The following PTH2R variants were observed in gnomAD, a reference collection of about 807,000 sequenced individuals.
PTH2R encodes the protein parathyroid hormone 2 receptor.
PTH2R carries 59 observed loss-of-function variants against 60.3 expected under a neutral mutation model. The ratio of observed to expected loss-of-function variants is 0.98; its 90% confidence interval spans 0.79 to 1.22. PTH2R has a LOEUF of 1.22. PTH2R is among the 50% of genes most tolerant of loss of function. The pLI is 0.00. For synonymous variants in PTH2R, 256 were observed against 243.8 expected, an observed-to-expected ratio of 1.05 and a Z score of -0.47; for missense variants, 749 against 682.6, an observed-to-expected ratio of 1.10 and a Z score of -1.08.
chr2:208,425,143 A>C (rs1701832153), intron 1 of PTH2R, among the ~76,000 whole-genome samples: 1 of 152,226 alleles, frequency 6.6e-6, no homozygotes, highest in Admixed American at 6.5e-5. Context: ...ATAAGATTGA[A>C]TACTTCTTAA....
intron 1 of PTH2R, among the ~76,000 whole-genome samples, chr2:208,367,506 C>G (rs779037204): frequency 6.7e-6 from 1 of 150,238 alleles, no homozygotes; most frequent in Non-Finnish European, 1.5e-5. Context: ...CTGCAACCTC[C>G]GCCTCCCAGA....
intron 1 of PTH2R, among the ~76,000 whole-genome samples, chr2:208,369,870 C>G (rs1700661130): frequency 6.6e-6 from 1 of 152,016 alleles, no homozygotes; most frequent in African/African-American, 2.4e-5. Context: ...TATTGCAACC[C>G]TAAGTTCTCA....
intron 1 of PTH2R, among the ~76,000 whole-genome samples, chr2:208,387,173 A>T (rs1249757792): frequency 6.6e-6 from 1 of 152,170 alleles, no homozygotes; most frequent in Non-Finnish European, 1.5e-5. Flanking sequence ...AGTGCTTTAT[A>T]CATTTTTAAA....
chr2:208,412,459 C>T (rs907840319), intron 1 of PTH2R, among the ~76,000 whole-genome samples: 1 of 152,196 alleles, frequency 6.6e-6, no homozygotes, highest in African/African-American at 2.4e-5. Context: ...AAACAGTCTT[C>T]TTGATGACTT....
intron 1 of PTH2R, among the ~76,000 whole-genome samples, chr2:208,391,899 C>T (rs184566452): frequency 1.6e-4 from 25 of 152,276 alleles, no homozygotes; most frequent in Non-Finnish European, 3.2e-4. Flanking sequence ...GAAGCTTCCT[C>T]AGTTGGGGCA....
chr2:208,438,649 A>T (rs1702125234), intron 4 of PTH2R, among the ~76,000 whole-genome samples: 2 of 152,200 alleles, frequency 1.3e-5, no homozygotes. Flanking sequence ...ATGCATGATG[A>T]TATATGCATA....
In PTH2R at chr2:208,493,427, T is replaced by C. The variant is rs755982377; in HGVS notation, c.1421T>C (p.Ile474Thr). The change falls in exon 13 of 13, where the codon ATC becomes ACC. Residue 474 changes from isoleucine to threonine, a missense_variant. By Grantham distance (89) the Ile-to-Thr change is moderately conservative. Transcript: ENST00000272847. ...QVAASTRMVL[I>T]SGKAAKIASR... Reference sequence around the variant, plus strand: ...GCGGCCAGCACACGCATGGTGCTTATCTCTGGCAAAGCTGCCAAGATCGCC... The same window carrying C: ...GCGGCCAGCACACGCATGGTGCTTACCTCTGGCAAAGCTGCCAAGATCGCC... 1 of 1,610,728 alleles carries C rather than the reference T, an allele frequency of 6.2e-7. No individual in the cohort carries two copies. The highest frequency in any genetic ancestry group is 8.5e-7 in the Non-Finnish European group (1 of 1,177,872).
intron 2 of PTH2R, among the ~76,000 whole-genome samples, chr2:208,432,831 G>A (rs887982149): frequency 6.6e-6 from 1 of 152,130 alleles, no homozygotes; most frequent in African/African-American, 2.4e-5. Flanking sequence ...TGAAAACTCA[G>A]CAAGCCAGCT....
chr2:208,394,196 C>A (rs960346745), intron 1 of PTH2R, among the ~76,000 whole-genome samples: 12 of 152,280 alleles, frequency 7.9e-5, no homozygotes, highest in African/African-American at 2.9e-4. Context: ...ACTAGCAGGC[C>A]AGGTTTGCCT....
At chr2:208,406,484 GT>G (rs1433708048), upstream of PTH2R, among the ~76,000 whole-genome samples, 1 of 152,166 alleles carries the variant, frequency 6.6e-6, no homozygotes, top group Non-Finnish European at 1.5e-5. Flanking sequence ...TCTTATCGCT[GT>G]CCTCGGGGCC....
intron 2 of PTH2R, among the ~76,000 whole-genome samples, chr2:208,428,530 A>G (rs1398810141): frequency 1.3e-5 from 2 of 152,210 alleles, no homozygotes; most frequent in Non-Finnish European, 2.9e-5. Context: ...GAGAATAGCA[A>G]CTGGGCATGT....
At chr2:208,420,970 T>C (rs1701743167) in intron 1 of PTH2R, among the ~76,000 whole-genome samples, 1 of 152,208 alleles carries the variant, frequency 6.6e-6, no homozygotes, top group African/African-American at 2.4e-5. Context: ...AACTACTAAT[T>C]GGTTTTTTGT....
chr2:208,404,356 T>C (rs966043162), upstream of PTH2R, among the ~76,000 whole-genome samples: 2 of 152,218 alleles, frequency 1.3e-5, no homozygotes, highest in African/African-American at 4.8e-5. Context: ...GCCTTGAATT[T>C]AACAATTTTC....
At chr2:208,446,739 G>A (rs1416383277) in intron 7 of PTH2R, among the ~76,000 whole-genome samples, 1 of 152,102 alleles carries the variant, frequency 6.6e-6, no homozygotes, top group Non-Finnish European at 1.5e-5. Flanking sequence ...ACTGAATGAA[G>A]TACATATCAA....
intron 9 of PTH2R, among the ~76,000 whole-genome samples, chr2:208,467,032 G>A (rs1702768787): frequency 6.6e-6 from 1 of 151,874 alleles, no homozygotes; most frequent in Non-Finnish European, 1.5e-5. Context: ...TGTACAATTT[G>A]TTCAACATTT....
At position 208,493,716 on chromosome 2, in the gene PTH2R, G is replaced by T; in HGVS notation, c.*57G>T. The T allele has an allele frequency of 6.7e-7, 1 of 1,494,112 alleles. No individual in the cohort carries two copies. The highest frequency in any genetic ancestry group is 1.4e-5 in the South Asian group (1 of 71,858). 92.6% of individuals were successfully genotyped at this position (1,494,112 alleles called of 1,614,324 possible). A position where few individuals can be genotyped will look rare whatever the true frequency, so the allele number is the denominator to read the frequency against. On this transcript the variant is annotated 3_prime_UTR_variant, in exon 13 of 13. Transcript: ENST00000272847. ...GTCCAATGGCTGGTTGTGTGAGAGG[G>T]CTTGGCTGATACTCCTATGCTTGAG...
intron 1 of PTH2R, among the ~76,000 whole-genome samples, chr2:208,391,907 G>A (rs188667419): frequency 6.6e-6 from 1 of 152,238 alleles, no homozygotes; most frequent in African/African-American, 2.4e-5. Context: ...CTCAGTTGGG[G>A]CACAGAGCAG....
chr2:208,425,491 G>A (rs538166603), intron 1 of PTH2R, among the ~76,000 whole-genome samples: 3 of 152,182 alleles, frequency 2.0e-5, no homozygotes, highest in African/African-American at 7.2e-5. Context: ...CTCTTAATTT[G>A]CATATAAGTG....
At chr2:208,493,117 A>G (rs536138511) in intron 12 of PTH2R, 147 bp from the exon 13 acceptor site, 2 of 850,878 alleles carry the variant, frequency 2.4e-6, no homozygotes, top group Non-Finnish European at 3.3e-6. Context: ...TGAGGTTGAG[A>G]GAAAGTCATA....
Sources: allele counts gnomAD v4.1 joint callset (sites outside exome capture counted in the v4.1 genomes callset), GRCh38; gene constraint gnomAD v4.1.1; transcripts MANE v1.5; gene names NCBI Gene and HGNC (gene_info 2026-07-23, HGNC 2026-07-21).